FAM228B: variants seen among roughly 807,000 people sequenced by gnomAD.
FAM228B encodes the protein protein FAM228B.
In FAM228B, 38 loss-of-function variants were observed where a neutral mutation model predicts 42.6. The ratio of observed to expected loss-of-function variants is 0.89; its 90% CI spans 0.69 to 1.17. FAM228B has a LOEUF of 1.17. Ranked by LOEUF, FAM228B falls within the 50% of genes most tolerant of loss-of-function variation. The pLI is 0.00. For synonymous variants in FAM228B, 109 were observed against 122.3 expected, an observed-to-expected ratio of 0.89 and a Z score of 0.72; for missense variants, 344 against 367.3, an observed-to-expected ratio of 0.94 and a Z score of 0.52.
At chr2:24,126,475 T>C (rs1261581618) in intron 2 of FAM228B, among the ~76,000 whole-genome samples, 4 of 152,242 alleles carry the variant, frequency 2.6e-5, no homozygotes, top group Non-Finnish European at 5.9e-5. Context: ...ACTTGCCATT[T>C]ATCTATCTTC....
chr2:24,153,868 A>C (rs1035255509), intron 7 of FAM228B, among the ~76,000 whole-genome samples: 3 of 152,216 alleles, frequency 2.0e-5, no homozygotes, highest in African/African-American at 7.2e-5. Flanking sequence ...GGAGAAACTC[A>C]AGTTCCAATC....
At chr2:24,100,229 C>T (rs1361402695) in intron 3 of FAM228B, among the ~76,000 whole-genome samples, 2 of 152,172 alleles carry the variant, frequency 1.3e-5, no homozygotes, top group African/African-American at 2.4e-5. Context: ...ATGACTAAAA[C>T]ACCAAAAGCA....
intron 4 of FAM228B, among the ~76,000 whole-genome samples, chr2:24,138,954 A>AAG (rs973264201): frequency 6.6e-6 from 1 of 151,912 alleles, no homozygotes; most frequent in Non-Finnish European, 1.5e-5. Context: ...TCAAAAAAAA[A>AAG]AAAAAATTAT....
At chr2:24,167,508 C>A in intron 9 of FAM228B, 119 bp from the exon 10 acceptor site, 1 of 1,375,854 alleles carries the variant, frequency 7.3e-7, no homozygotes. Flanking sequence ...GTTGGTTCTT[C>A]TCCTGCCCTG....
Position 24,094,020 on chromosome 2 carries a change from C to T in FAM228B, c.-209-1121C>T, listed in dbSNP as rs186344977. Among the ~76,000 whole-genome samples the T allele has an allele frequency of 3.1e-4, 43 of 140,620 alleles. No homozygotes were observed. The East Asian group carries it at 6.9e-3, about 22-fold the overall frequency. The allele number at this position is 140,620 out of a possible 152,430, so 92.3% of individuals were successfully genotyped here. The stretch of plus-strand genomic sequence containing the variant: ...TTCTGGTTCTAGATCCCTGAGGAAT[C>T]GCCACATACTTTTTTTTTTTTTTTT... On this transcript the variant is annotated intron_variant, in intron 2 of 10. Coordinates refer to the FAM228B transcript ENST00000613899.
rs946111384 is a variant in FAM228B, at chr2:24,112,716, C to A, written c.-121+17487C>A. ...ATAGTTTTCTAAAAGTACTGTCTAC[C>A]CCACAGCACTGCTTGATGTCTTCTG... is the stretch of plus-strand genomic sequence containing the variant. On this transcript the variant is annotated intron_variant, in intron 3 of 10. Coordinates refer to the FAM228B transcript ENST00000613899. Among the ~76,000 whole-genome samples the A allele has an allele frequency of 6.6e-4, 100 of 152,042 alleles. 1 individual carries two copies. Among genetic ancestry groups the A allele is most frequent in the African/African-American group, 2.4e-3 (100 of 41,382 alleles).
intron 2 of FAM228B, among the ~76,000 whole-genome samples, chr2:24,089,420 AG>A (rs1376708687): frequency 6.6e-6 from 1 of 152,202 alleles, no homozygotes; most frequent in Non-Finnish European, 1.5e-5. Context: ...AGTAAAATCT[AG>A]AAAAAAAAAG....
At chr2:24,159,832 T>A (rs1220917898) in intron 7 of FAM228B, among the ~76,000 whole-genome samples, 1 of 152,332 alleles carries the variant, frequency 6.6e-6, no homozygotes, top group East Asian at 1.9e-4. Context: ...AAAGACATAA[T>A]TCTCTTGTTA....
intron 5 of FAM228B, among the ~76,000 whole-genome samples, chr2:24,140,237 C>T (rs1414568830): frequency 3.0e-4 from 45 of 152,252 alleles, no homozygotes; most frequent in African/African-American, 9.6e-4. Flanking sequence ...AGTGCAGTGG[C>T]GCGATCTCTG....
At chr2:24,099,516 C>T (rs1383805226) in intron 3 of FAM228B, among the ~76,000 whole-genome samples, 2 of 152,126 alleles carry the variant, frequency 1.3e-5, no homozygotes, top group Non-Finnish European at 2.9e-5. Context: ...CTCCCAGTCA[C>T]AATTGCTACA....
upstream of FAM228B, chr2:24,122,393 T>C: frequency 6.7e-7 from 1 of 1,481,720 alleles, no homozygotes; most frequent in Non-Finnish European, 9.4e-7. Context: ...AAATCAAGTC[T>C]TAGGTCCAAA....
intron 2 of FAM228B, chr2:24,083,031 A>G: frequency 1.2e-6 from 2 of 1,614,138 alleles, no homozygotes; most frequent in South Asian, 2.2e-5. Context: ...GAGCAGAGCC[A>G]TGGCTGTGTC....
At position 24,139,437 on chromosome 2, in the gene FAM228B, C is replaced by A; in HGVS notation, c.428C>A (p.Pro143His). The A allele has an allele frequency of 6.5e-7, 1 of 1,544,316 alleles. No individual in the cohort carries two copies. The highest frequency in any genetic ancestry group is 8.8e-7 in the Non-Finnish European group (1 of 1,141,296). Residue 143 changes from proline to histidine, a missense_variant, in exon 5 of 11, where the codon CCC (proline) becomes CAC (histidine). Transcript: ENST00000615575. ...CCCTTTTATATGAGCAAGAAGGACC[C>A]CAATTTTCTGAAGGTAGGGTAGATT... ...YDPFYMSKKD[P>H]NFLKVTIPPF...
chr2:24,134,470 T>C (rs558860127), intron 2 of FAM228B, among the ~76,000 whole-genome samples: 16 of 152,208 alleles, frequency 1.1e-4, no homozygotes, highest in Non-Finnish European at 1.5e-5. Flanking sequence ...AAGCCTCAAA[T>C]AGAGGCCTAA....
rs187054322 is a variant in FAM228B, at chr2:24,103,741, G to A, written c.-121+8512G>A. Among the ~76,000 whole-genome samples the A allele has an allele frequency of 5.5e-3, 836 of 152,300 alleles. 7 individuals are homozygous for A. Among genetic ancestry groups the A allele is most frequent in the Middle Eastern group, 0.01 (3 of 294 alleles). On this transcript the variant is annotated intron_variant, in intron 3 of 10. Transcript: ENST00000613899. ...CAGGCCTGCAGAACTTCAGAGAATC[G>A]CTATAGTCCAGGTCAGACTCCCTGC...
At chr2:24,155,665 C>T (rs1015977518) in intron 7 of FAM228B, among the ~76,000 whole-genome samples, 13 of 150,372 alleles carry the variant, frequency 8.6e-5, no homozygotes, top group South Asian at 8.4e-4. Flanking sequence ...CTCAGCCTCC[C>T]GAGCAGCTGG....
At chr2:24,126,928 G>T (rs1265579628) in intron 2 of FAM228B, among the ~76,000 whole-genome samples, 1 of 152,226 alleles carries the variant, frequency 6.6e-6, no homozygotes, top group African/African-American at 2.4e-5. Flanking sequence ...GCCCGGCCAA[G>T]ATTCACTACT....
At chr2:24,078,231 T>C (rs986189737) in intron 1 of FAM228B, among the ~76,000 whole-genome samples, 5 of 152,194 alleles carry the variant, frequency 3.3e-5, no homozygotes, top group Admixed American at 6.5e-5. Flanking sequence ...AAATTTACTA[T>C]CCCTAGCCAG....
intron 1 of FAM228B, among the ~76,000 whole-genome samples, chr2:24,079,864 G>A (rs1189171240): frequency 6.6e-6 from 1 of 152,168 alleles, no homozygotes; most frequent in East Asian, 1.9e-4. Context: ...CAGCAAGAGG[G>A]AAATGGGGCA....
Sources: allele counts gnomAD v4.1 joint callset (sites outside exome capture counted in the v4.1 genomes callset), GRCh38; gene constraint gnomAD v4.1.1; transcripts MANE v1.5; gene names NCBI Gene and HGNC (gene_info 2026-07-23, HGNC 2026-07-21).